SLC35F4: variants seen among roughly 807,000 people sequenced by gnomAD.
SLC35F4 encodes the protein solute carrier family 35 member F4, also known as chromosome 14 open reading frame 36.
Under a neutral mutation model 44.2 loss-of-function variants are expected in SLC35F4, and 24 were observed. That is an observed-to-expected ratio of 0.54 (90% CI 0.39 to 0.76). The LOEUF is 0.76. SLC35F4 is among the 30% of genes least tolerant of loss of function. The pLI is 0.00. For synonymous variants in SLC35F4, 238 were observed against 223.6 expected (o/e 1.06, Z -0.57); for missense variants, 562 against 586.1 (o/e 0.96, Z 0.42).
chr14:57,567,948 A>G (rs1451191721), intron 6 of SLC35F4, among the ~76,000 whole-genome samples: 1 of 152,240 alleles, frequency 6.6e-6, no homozygotes, highest in Non-Finnish European at 1.5e-5. Flanking sequence ...GGGGTAGTTC[A>G]GGGTGCAGAT....
At chr14:57,959,122 G>C (rs1055499866) in intron 1 of SLC35F4, among the ~76,000 whole-genome samples, 1 of 152,090 alleles carries the variant, frequency 6.6e-6, no homozygotes, top group African/African-American at 2.4e-5. Flanking sequence ...CTGCATGCTG[G>C]GCCCTGACCT....
intron 1 of SLC35F4, among the ~76,000 whole-genome samples, chr14:57,844,025 C>T (rs572572081): frequency 6.6e-6 from 1 of 152,212 alleles, no homozygotes; most frequent in South Asian, 2.1e-4. Context: ...CCCTTGTACT[C>T]CCCCAAGCAA....
intron 1 of SLC35F4, among the ~76,000 whole-genome samples, chr14:57,645,467 A>G (rs2073461274): frequency 6.6e-6 from 1 of 152,026 alleles, no homozygotes; most frequent in Non-Finnish European, 1.5e-5. Context: ...TTGCACATTG[A>G]TTTTGTATCC....
chr14:57,637,573 T>C (rs549593487), intron 1 of SLC35F4, among the ~76,000 whole-genome samples: 65 of 152,238 alleles, frequency 4.3e-4, no homozygotes, highest in African/African-American at 1.5e-3. Context: ...ATGGTTTAGC[T>C]AGGACTGCTG....
At chr14:57,913,735 T>C (rs190845113) in intron 1 of SLC35F4, among the ~76,000 whole-genome samples, 34 of 152,348 alleles carry the variant, frequency 2.2e-4, no homozygotes, top group Middle Eastern at 6.8e-3. Context: ...ATTGTTTAAA[T>C]GCTTCTGTTT....
At chr14:57,943,724 A>G (rs1229329409) in intron 1 of SLC35F4, among the ~76,000 whole-genome samples, 2 of 152,192 alleles carry the variant, frequency 1.3e-5, no homozygotes, top group African/African-American at 4.8e-5. Flanking sequence ...CTGTAATACT[A>G]TTCGATTCAG....
intron 6 of SLC35F4, among the ~76,000 whole-genome samples, chr14:57,566,813 A>C (rs1222829434): frequency 6.6e-6 from 1 of 152,236 alleles, no homozygotes; most frequent in African/African-American, 2.4e-5. Context: ...GACAAATACA[A>C]AGAGGTAAAA....
chr14:57,923,694 A>C (rs1418383039), intron 1 of SLC35F4, among the ~76,000 whole-genome samples: 2 of 152,138 alleles, frequency 1.3e-5, no homozygotes, highest in Non-Finnish European at 1.5e-5. Context: ...TTGTGGATTG[A>C]CTTAGATCTT....
chr14:57,756,600 G>A (rs1842490328), intron 1 of SLC35F4, among the ~76,000 whole-genome samples: 1 of 151,772 alleles, frequency 6.6e-6, no homozygotes, highest in Admixed American at 6.6e-5. Flanking sequence ...GGTCAAGTTT[G>A]TTGATAATGT....
chr14:57,635,238 TCTTA>T (rs1053390997), intron 1 of SLC35F4, among the ~76,000 whole-genome samples: 6 of 142,040 alleles, frequency 4.2e-5, no homozygotes, highest in Non-Finnish European at 6.1e-5. Flanking sequence ...AAAGCAAGAC[TCTTA>T]CTCAAAAAAA....
intron 1 of SLC35F4, among the ~76,000 whole-genome samples, chr14:57,887,521 C>T (rs1888674929): frequency 6.6e-6 from 1 of 152,162 alleles, no homozygotes; most frequent in Admixed American, 6.5e-5. Context: ...CCCCTCATTG[C>T]CCTCTGATGG....
chr14:57,879,091 C>T (rs1024136904), intron 1 of SLC35F4, among the ~76,000 whole-genome samples: 14 of 152,022 alleles, frequency 9.2e-5, no homozygotes, highest in South Asian at 4.1e-4. Context: ...TGGGTAATTG[C>T]GGCCCCAATA....
intron 6 of SLC35F4, 92 bp downstream of exon 6, chr14:57,569,696 A>G (rs952417525): frequency 1.5e-6 from 2 of 1,325,978 alleles, no homozygotes; most frequent in African/African-American, 3.0e-5. Flanking sequence ...TAGAGCACAG[A>G]GTTACCCAAG....
At chr14:57,753,979 G>A (rs2076941252) in intron 1 of SLC35F4, among the ~76,000 whole-genome samples, 1 of 151,900 alleles carries the variant, frequency 6.6e-6, no homozygotes, top group South Asian at 2.1e-4. Flanking sequence ...GATTGAGAAT[G>A]TGTGTGACAA....
intron 1 of SLC35F4, among the ~76,000 whole-genome samples, chr14:57,647,126 T>A (rs957243709): frequency 3.9e-5 from 6 of 152,030 alleles, no homozygotes; most frequent in African/African-American, 1.4e-4. Flanking sequence ...GTTCTGTAGA[T>A]GTCTATTAGG....
chr14:57,565,549 C>T (rs1328589703), intron 7 of SLC35F4, among the ~76,000 whole-genome samples: 1 of 152,152 alleles, frequency 6.6e-6, no homozygotes, highest in Non-Finnish European at 1.5e-5. Flanking sequence ...TAGGACAGTT[C>T]CTGGTGTACA....
At chr14:57,946,459 G>C (rs12717454) in intron 1 of SLC35F4, among the ~76,000 whole-genome samples, 41,822 of 122,276 alleles carry the variant, frequency 0.34, 6,639 homozygotes, top group Middle Eastern at 0.39. Context: ...GTTTTGTTTT[G>C]TTTTCTTTTC....
At chr14:57,602,019 C>A (rs2070851847) in intron 1 of SLC35F4, among the ~76,000 whole-genome samples, 1 of 152,162 alleles carries the variant, frequency 6.6e-6, no homozygotes, top group Non-Finnish European at 1.5e-5. Flanking sequence ...TGAGCTCCTT[C>A]TGTAGGCAAA....
At chr14:57,864,616 C>A in intron 1 of SLC35F4, among the ~76,000 whole-genome samples, 1 of 152,140 alleles carries the variant, frequency 6.6e-6, no homozygotes, top group African/African-American at 2.4e-5. Flanking sequence ...GTGGGTCCCA[C>A]GCATCACAGA....
Sources: gnomAD v4.1 joint callset for allele counts (sites outside exome capture counted in the v4.1 genomes callset) on GRCh38, gnomAD v4.1.1 for gene constraint, MANE v1.5 for transcripts, NCBI Gene and HGNC (gene_info 2026-07-23, HGNC 2026-07-21) for gene names.